The following XKR9 variants were observed in gnomAD, a reference collection of about 807,000 sequenced individuals.
The protein encoded by XKR9 is XK-related protein 9.
XKR9 carries 32 observed loss-of-function variants against 32.0 expected under a neutral mutation model. That is an observed-to-expected ratio of 1.00 (90% CI 0.76 to 1.34). XKR9 has a LOEUF of 1.34. XKR9 is among the 40% of genes most tolerant of loss of function. The pLI is 0.00. For synonymous variants in XKR9, 168 were observed against 143.4 expected (o/e 1.17, Z -1.22); for missense variants, 546 against 429.7 (o/e 1.27, Z -2.39).
the XKR9 span, among the ~76,000 whole-genome samples, chr8:70,944,001 T>C: frequency 6.6e-6 from 1 of 152,110 alleles, no homozygotes; most frequent in Non-Finnish European, 1.5e-5. Context: ...AAAGAAGAAA[T>C]AAAAAATGCT....
chr8:70,967,251 A>C, the XKR9 span, among the ~76,000 whole-genome samples: 3 of 151,708 alleles, frequency 2.0e-5, no homozygotes, highest in Admixed American at 2.0e-4. Flanking sequence ...TATGTTTTTT[A>C]GTAGAGACGG....
the XKR9 span, among the ~76,000 whole-genome samples, chr8:70,839,051 C>G: frequency 6.6e-6 from 1 of 152,032 alleles, no homozygotes; most frequent in Non-Finnish European, 1.5e-5. Flanking sequence ...ATAAATCTTA[C>G]TGGTCTATTC....
intron 2 of XKR9, among the ~76,000 whole-genome samples, chr8:70,764,321 CTTT>C (rs1807346819): frequency 6.6e-6 from 1 of 152,268 alleles, no homozygotes; most frequent in East Asian, 1.9e-4. Flanking sequence ...CCAAAAACCT[CTTT>C]TACTCTCAAC....
At chr8:70,960,994 A>T in the XKR9 span, among the ~76,000 whole-genome samples, 1 of 152,102 alleles carries the variant, frequency 6.6e-6, no homozygotes, top group East Asian at 1.9e-4. Context: ...ACATGGCGAA[A>T]CCCTGTCTCT....
At chr8:70,995,882 A>AT in the XKR9 span, among the ~76,000 whole-genome samples, 3 of 152,012 alleles carry the variant, frequency 2.0e-5, no homozygotes, top group Non-Finnish European at 4.4e-5. Context: ...CCCAATTCAC[A>AT]TTTTTTACAT....
At chr8:70,926,935 A>T in the XKR9 span, among the ~76,000 whole-genome samples, 1 of 152,274 alleles carries the variant, frequency 6.6e-6, no homozygotes, top group East Asian at 1.9e-4. Context: ...TATATATGAA[A>T]ACCAAGAGCT....
chr8:70,868,459 G>A, the XKR9 span, among the ~76,000 whole-genome samples: 1 of 152,162 alleles, frequency 6.6e-6, no homozygotes, highest in Non-Finnish European at 1.5e-5. Context: ...CCAGGTGGAA[G>A]CTGCCAAGGT....
the XKR9 span, among the ~76,000 whole-genome samples, chr8:70,939,933 A>AT: frequency 1.3e-5 from 2 of 152,144 alleles, no homozygotes; most frequent in Admixed American, 6.6e-5. Context: ...TTATTATTCC[A>AT]TTTTTTCAGA....
chr8:70,733,012 G>A (rs999609542), intron 4 of XKR9, among the ~76,000 whole-genome samples: 1 of 152,204 alleles, frequency 6.6e-6, no homozygotes, highest in South Asian at 2.1e-4. Flanking sequence ...AGCTACTCAG[G>A]AGGCTGAGGC....
chr8:71,005,623 G>A, the XKR9 span, among the ~76,000 whole-genome samples: 2 of 152,282 alleles, frequency 1.3e-5, no homozygotes, highest in South Asian at 4.1e-4. Flanking sequence ...TCCATGTCTA[G>A]AAGTGGAAAA....
chr8:70,768,645 C>T (rs1807410750), intron 2 of XKR9, among the ~76,000 whole-genome samples: 1 of 151,960 alleles, frequency 6.6e-6, no homozygotes, highest in Non-Finnish European at 1.5e-5. Context: ...ATGGTTAGCT[C>T]TTCTTGTTGC....
chr8:71,015,120 A>G, the XKR9 span, among the ~76,000 whole-genome samples: 1 of 152,190 alleles, frequency 6.6e-6, no homozygotes, highest in Non-Finnish European at 1.5e-5. Context: ...TGGAATTCTA[A>G]AACAATGCTT....
At chr8:70,867,377 G>T in the XKR9 span, among the ~76,000 whole-genome samples, 1 of 152,028 alleles carries the variant, frequency 6.6e-6, no homozygotes, top group Non-Finnish European at 1.5e-5. Flanking sequence ...TTCTGCCCTG[G>T]CCCCTCCCAA....
At chr8:71,007,639 A>C in the XKR9 span, among the ~76,000 whole-genome samples, 12 of 152,128 alleles carry the variant, frequency 7.9e-5, no homozygotes, top group African/African-American at 2.9e-4. Context: ...AAATAACAAG[A>C]AAAAAATTAA....
At chr8:70,919,073 G>A in the XKR9 span, among the ~76,000 whole-genome samples, 1 of 151,952 alleles carries the variant, frequency 6.6e-6, no homozygotes, top group African/African-American at 2.4e-5. Flanking sequence ...CACTGCGCCC[G>A]GCCGATCATG....
chr8:70,674,368 C>A (rs1818817769), intron 1 of XKR9, among the ~76,000 whole-genome samples: 1 of 152,080 alleles, frequency 6.6e-6, no homozygotes, highest in South Asian at 2.1e-4. Flanking sequence ...TAACCTTGAG[C>A]AAAGGCTTGG....
the XKR9 span, among the ~76,000 whole-genome samples, chr8:70,887,575 T>C: frequency 3.3e-5 from 5 of 152,206 alleles, no homozygotes; most frequent in Admixed American, 1.3e-4. Context: ...TGTTTTTCTA[T>C]TTGTTTGTGT....
the XKR9 span, among the ~76,000 whole-genome samples, chr8:70,986,666 C>G: frequency 2.2e-3 from 340 of 152,268 alleles, no homozygotes; most frequent in Non-Finnish European, 2.4e-3. Context: ...GAACATAGAC[C>G]ATGCAAAACA....
At chr8:70,966,849 A>G in the XKR9 span, among the ~76,000 whole-genome samples, 1 of 152,008 alleles carries the variant, frequency 6.6e-6, no homozygotes, top group African/African-American at 2.4e-5. Flanking sequence ...CTTTTTATTG[A>G]ATTGAACACT....
Sources: allele counts gnomAD v4.1 joint callset (sites outside exome capture counted in the v4.1 genomes callset), GRCh38; gene constraint gnomAD v4.1.1; transcripts MANE v1.5; gene names NCBI Gene and HGNC (gene_info 2026-07-23, HGNC 2026-07-21).